ZNF365: variants seen among roughly 807,000 people sequenced by gnomAD.
ZNF365 encodes the protein zinc finger protein 365, also known as protein ZNF365.
A neutral mutation model predicts 35.0 loss-of-function variants in ZNF365; 22 were observed. The ratio of observed to expected loss-of-function variants is 0.63; its 90% CI spans 0.45 to 0.90. The LOEUF (loss-of-function observed/expected upper bound fraction) is 0.90, where lower values mean the gene tolerates loss of function less well. Among genes scored for constraint, ZNF365 ranks in the 40% least tolerant of loss-of-function variants. The pLI is 0.00. For missense variants in ZNF365, 448 were observed against 500.3 expected (o/e 0.90, Z 1.00); for synonymous variants, 188 against 196.2 (o/e 0.96, Z 0.35).
At chr10:62,451,361 GC>G (rs1840681801) in intron 3 of ZNF365, among the ~76,000 whole-genome samples, 1 of 152,028 alleles carries the variant, frequency 6.6e-6, no homozygotes, top group Non-Finnish European at 1.5e-5. Flanking sequence ...CTCGTTCATG[GC>G]TTGTCTGATG....
intron 3 of ZNF365, among the ~76,000 whole-genome samples, chr10:62,440,803 T>C (rs1840487951): frequency 6.6e-6 from 1 of 152,218 alleles, no homozygotes; most frequent in South Asian, 2.1e-4. Flanking sequence ...TCACTTGTGA[T>C]TTACTCACTT....
chr10:62,419,627 G>A (rs1422306938), intron 3 of ZNF365, among the ~76,000 whole-genome samples: 1 of 152,116 alleles, frequency 6.6e-6, no homozygotes, highest in Non-Finnish European at 1.5e-5. Context: ...TTTAGTGTCT[G>A]ATGTGACATT....
chr10:62,445,238 A>G (rs953950947), intron 3 of ZNF365, among the ~76,000 whole-genome samples: 2 of 151,086 alleles, frequency 1.3e-5, no homozygotes, highest in East Asian at 1.9e-4. Context: ...ATAAACATAC[A>G]TGTGCATGTG....
intron 4 of ZNF365, chr10:62,459,851 C>G (rs1840819050): frequency 6.6e-7 from 1 of 1,512,610 alleles, no homozygotes; most frequent in African/African-American, 1.4e-5. Flanking sequence ...AACCAGCAGC[C>G]CATCTGGGTC....
chr10:62,395,322 A>G lies in ZNF365; in HGVS notation c.925-3418A>G, dbSNP rs550217680. 1.3e-4 allele frequency among the ~76,000 whole-genome samples: 19 copies of G among 149,860 alleles called. No individual in the cohort carries two copies. In the East Asian group the frequency reaches 3.5e-3, roughly 28 times the overall value. On this transcript the variant is annotated intron_variant, in intron 3 of 4. Coordinates refer to ENST00000395254, the MANE Select transcript of ZNF365 (RefSeq NM_014951.3). ...GGTGAATGTATATTACAGGCTGAGC[A>G]TCCCTGTTCCAAAACTCTGACACTC...
At chr10:62,453,645 A>T (rs1840719290) in intron 3 of ZNF365, among the ~76,000 whole-genome samples, 1 of 152,194 alleles carries the variant, frequency 6.6e-6, no homozygotes, top group Non-Finnish European at 1.5e-5. Flanking sequence ...CTTTGGGTAG[A>T]TACCCAGCAG....
At chr10:62,455,418 CT>C (rs987554431) in intron 3 of ZNF365, among the ~76,000 whole-genome samples, 2 of 151,872 alleles carry the variant, frequency 1.3e-5, no homozygotes, top group African/African-American at 2.4e-5. Context: ...AAAGTAAAAA[CT>C]TTTTTTTCTG....
rs752871214 is a variant in ZNF365, at chr10:62,400,002, A to T, written c.*213A>T. 4.1e-5 allele frequency: 54 copies of T among 1,330,130 alleles called. No homozygotes were observed. Among genetic ancestry groups the T allele is most frequent in the Middle Eastern group, 5.6e-4 (2 of 3,564 alleles). The allele number at this position is 1,330,130 out of a possible 1,614,324, so 82.4% of individuals were successfully genotyped here. A position where few individuals can be genotyped will look rare whatever the true frequency, so the allele number is the denominator to read the frequency against. On this transcript the variant is annotated 3_prime_UTR_variant, in exon 5 of 5. Transcript: ENST00000395254. ...TATAACCCCCTTTTAGAAGCTTGCA[A>T]ATTACAGAAAGAATAAAAAAATTAA...
intron 3 of ZNF365, among the ~76,000 whole-genome samples, chr10:62,389,279 G>T (rs1839582687): frequency 6.6e-6 from 1 of 151,234 alleles, no homozygotes; most frequent in South Asian, 2.1e-4. Context: ...GGTCGATGGG[G>T]GGCGGGGGTG....
chr10:62,397,848 A>G (rs1393927393), intron 3 of ZNF365, among the ~76,000 whole-genome samples: 3 of 152,240 alleles, frequency 2.0e-5, no homozygotes, highest in African/African-American at 7.2e-5. Context: ...GCCTGAATCA[A>G]TCAAGAAATC....
chr10:62,432,558 C>G lies in ZNF365; in HGVS notation c.925-27183C>G, dbSNP rs916475114. Among the ~76,000 whole-genome samples the G allele has an allele frequency of 7.2e-5, 11 of 152,118 alleles. No individual in the cohort carries two copies. In the South Asian group the frequency reaches 2.1e-3, roughly 29 times the overall value. ...ACAGATGGATTGACCATTGACATTT[C>G]CTGGGTTCTTTTTCTAAGCCCCTTA... On this transcript the variant is annotated intron_variant, in intron 3 of 4. Transcript: ENST00000395255.
intron 2 of ZNF365, among the ~76,000 whole-genome samples, chr10:62,379,221 G>A (rs985121703): frequency 2.0e-5 from 3 of 151,728 alleles, no homozygotes; most frequent in African/African-American, 4.8e-5. Context: ...ACGGGGTTTC[G>A]CCATGTTGGC....
intron 3 of ZNF365, among the ~76,000 whole-genome samples, chr10:62,414,182 G>T (rs954518254): frequency 6.6e-6 from 1 of 151,878 alleles, no homozygotes; most frequent in Non-Finnish European, 1.5e-5. Flanking sequence ...TGTAAATGAA[G>T]CTCAAAATTA....
chr10:62,412,482 A>C (rs1010339276), intron 3 of ZNF365, among the ~76,000 whole-genome samples: 3 of 152,146 alleles, frequency 2.0e-5, no homozygotes, highest in Admixed American at 2.0e-4. Context: ...AAATAGGGAG[A>C]GAGGAAGTCA....
At chr10:62,386,124 C>G (rs1392396148) in intron 2 of ZNF365, among the ~76,000 whole-genome samples, 3 of 152,112 alleles carry the variant, frequency 2.0e-5, no homozygotes, top group African/African-American at 7.2e-5. Flanking sequence ...GGACCTAAAC[C>G]ATAAGCAAGA....
intron 2 of ZNF365, among the ~76,000 whole-genome samples, chr10:62,380,487 T>G (rs989370529): frequency 6.6e-6 from 1 of 152,252 alleles, no homozygotes; most frequent in Non-Finnish European, 1.5e-5. Flanking sequence ...CAGTAGGCTA[T>G]TAGGAGTTAA....
At chr10:62,374,838 C>T (rs914215158) in intron 1 of ZNF365, among the ~76,000 whole-genome samples, 1 of 152,174 alleles carries the variant, frequency 6.6e-6, no homozygotes, top group Non-Finnish European at 1.5e-5. Context: ...TTTCCCATTG[C>T]CCCCTTAGAA....
intron 3 of ZNF365, among the ~76,000 whole-genome samples, chr10:62,431,279 C>T (rs923982342): frequency 6.6e-6 from 1 of 152,202 alleles, no homozygotes; most frequent in Non-Finnish European, 1.5e-5. Flanking sequence ...ATAGTAAAAA[C>T]AGTACTTCTC....
At chr10:62,428,452 A>T (rs1840283097) in intron 3 of ZNF365, among the ~76,000 whole-genome samples, 1 of 152,188 alleles carries the variant, frequency 6.6e-6, no homozygotes. Flanking sequence ...CTCCCCCTTC[A>T]GTTGGCTCTC....
Sources: gnomAD v4.1 joint callset for allele counts (sites outside exome capture counted in the v4.1 genomes callset) on GRCh38, gnomAD v4.1.1 for gene constraint, MANE v1.5 for transcripts, NCBI Gene and HGNC (gene_info 2026-07-23, HGNC 2026-07-21) for gene names.